Variants in MYLK observed in about 807,000 individuals in gnomAD.
MYLK encodes myosin light chain kinase, also known as myosin light chain kinase, smooth muscle.
In MYLK, 106 loss-of-function variants were observed where a neutral mutation model predicts 203.4. That is an observed-to-expected ratio of 0.52 (90% CI 0.45 to 0.61). The LOEUF is 0.61. Among genes scored for constraint, MYLK ranks in the 20% least tolerant of loss-of-function variants. MYLK has a pLI of 0.00. For synonymous variants in MYLK, 867 were observed against 959.5 expected, an observed-to-expected ratio of 0.90 and a Z score of 1.78; for missense variants, 2,072 against 2,442.3, an observed-to-expected ratio of 0.85 and a Z score of 3.20.
At chr3:123,755,946 A>G (rs2063345795) in intron 4 of MYLK, among the ~76,000 whole-genome samples, 1 of 152,152 alleles carries the variant, frequency 6.6e-6, no homozygotes, top group African/African-American at 2.4e-5. Context: ...GTCCTCACCA[A>G]CACTCACAGC....
chr3:123,847,189 A>C (rs577406576), intron 2 of MYLK, among the ~76,000 whole-genome samples: 3 of 152,294 alleles, frequency 2.0e-5, no homozygotes, highest in East Asian at 3.9e-4. Flanking sequence ...GATGATTTAC[A>C]GTATACAGCA....
chr3:123,631,821 C>T (rs375245255), intron 29 of MYLK, among the ~76,000 whole-genome samples: 34 of 151,810 alleles, frequency 2.2e-4, no homozygotes, highest in African/African-American at 8.0e-4. Flanking sequence ...CCCGAGTCTG[C>T]ACTGTTATCT....
At chr3:123,737,101 C>T (rs113963649) in intron 8 of MYLK, 6,228 of 454,388 alleles carry the variant, frequency 0.014, 288 homozygotes, top group African/African-American at 0.11. Flanking sequence ...TGCCTGTAGT[C>T]CCAGCCACTC....
At chr3:123,869,408 T>G (rs977423652) in intron 2 of MYLK, among the ~76,000 whole-genome samples, 6 of 152,042 alleles carry the variant, frequency 3.9e-5, no homozygotes, top group Non-Finnish European at 8.8e-5. Context: ...CAGCTCCAGG[T>G]TCCTATCCCA....
Position 123,752,333 on chromosome 3 carries a change from T to A in MYLK, c.371A>T (p.Glu124Val). 1 of 1,613,970 alleles carries A rather than the reference T, an allele frequency of 6.2e-7. No individual in the cohort carries two copies. The highest frequency in any genetic ancestry group is 1.1e-5 in the South Asian group (1 of 91,072). ...GACTCGGGCCTCCTGGGACTCACCT[T>A]CTACTGTCAACTCCACTGTCACCTG... Reference protein sequence around the residue: ...ARQVTVELTVEGSFAKQLGQP... With the variant: ...ARQVTVELTVVGSFAKQLGQP... The change falls in exon 5 of 34, where the codon GAA becomes GTA. Residue 124 changes from glutamate to valine, a missense_variant and splice_region_variant. By Grantham distance (121) the Glu-to-Val change is moderately radical. This residue lies in a region of MYLK where 683 missense variants were observed against 643.8 expected (regional missense o/e 1.06). Coordinates refer to ENST00000360304, the MANE Select transcript of MYLK (RefSeq NM_053025.4).
chr3:123,671,750 T>C (rs2059919662), intron 20 of MYLK, among the ~76,000 whole-genome samples: 1 of 151,986 alleles, frequency 6.6e-6, no homozygotes. Flanking sequence ...TGGAAGGCAA[T>C]GGCTAGGGCA....
chr3:123,708,374 T>C (rs1281925938), intron 15 of MYLK, among the ~76,000 whole-genome samples: 1 of 152,242 alleles, frequency 6.6e-6, no homozygotes, highest in Non-Finnish European at 1.5e-5. Context: ...GCAAGGACCC[T>C]GTTAAGCCTA....
intron 4 of MYLK, among the ~76,000 whole-genome samples, chr3:123,786,183 G>T (rs1239429709): frequency 1.3e-5 from 2 of 151,560 alleles, no homozygotes; most frequent in African/African-American, 4.9e-5. Context: ...CGCGCCTGTA[G>T]TCCCAGCTAC....
Position 123,647,931 on chromosome 3 carries a change from C to T in MYLK, c.4416-504G>A, listed in dbSNP as rs114932241. ...TCTCTTCCCCTCCCTGCAGTGGAAC[C>T]CATGAAGATGGGTGGAGACAGCCCT... On this transcript the variant is annotated intron_variant, in intron 26 of 33. Transcript: ENST00000360304. Among the ~76,000 whole-genome samples, 536 of 152,220 alleles carry T rather than the reference C, an allele frequency of 3.5e-3. 3 individuals carry two copies. Among genetic ancestry groups the T allele is most frequent in the African/African-American group, 0.012 (513 of 41,532 alleles).
chr3:123,690,032 G>A (rs893082486), intron 19 of MYLK, among the ~76,000 whole-genome samples: 1 of 152,180 alleles, frequency 6.6e-6, no homozygotes, highest in African/African-American at 2.4e-5. Flanking sequence ...GTATGGTCTC[G>A]ATGGTGTTTG....
intron 4 of MYLK, among the ~76,000 whole-genome samples, chr3:123,777,660 T>C (rs754206420): frequency 4.6e-5 from 7 of 152,202 alleles, no homozygotes; most frequent in African/African-American, 7.2e-5. Flanking sequence ...GCTTGGGAAC[T>C]GGGCTGAGGG....
chr3:123,817,691 T>C (rs2065795046), intron 3 of MYLK, among the ~76,000 whole-genome samples: 4 of 152,202 alleles, frequency 2.6e-5, no homozygotes, highest in Admixed American at 2.6e-4. Flanking sequence ...AGGGTATAGC[T>C]GAGCCATGAG....
intron 11 of MYLK, among the ~76,000 whole-genome samples, chr3:123,731,414 C>CACAG (rs1693142371): frequency 6.6e-6 from 1 of 152,176 alleles, no homozygotes; most frequent in African/African-American, 2.4e-5. Flanking sequence ...CATGTGTGTA[C>CACAG]ACAGATCTTT....
Position 123,626,872 on chromosome 3 carries a change from G to A in MYLK, c.5184C>T (p.Ala1728=), listed in dbSNP as rs753156836. The change falls in exon 31 of 34, where the codon GCC becomes GCT. Residue 1728 remains alanine (A), a synonymous_variant. Coordinates refer to ENST00000360304, the MANE Select transcript of MYLK (RefSeq NM_053025.4). ...WLMKDTKNME[A]KKLSKDRMKK... is the part of the protein sequence containing the mutation. The stretch of plus-strand genomic sequence containing the variant: ...TCATCCGGTCCTTGGAGAGTTTCTT[G>A]GCCTCCATGTTCTTGGTATCTTTCA... 1.2e-6 allele frequency: 2 copies of A among 1,614,132 alleles called. No homozygotes were observed. Among genetic ancestry groups the A allele is most frequent in the Non-Finnish European group, 1.7e-6 (2 of 1,180,018 alleles).
At position 123,647,154 on chromosome 3, in the gene MYLK, G is replaced by T. The variant is rs534736256; in HGVS notation, c.4619+70C>A. 2.5e-5 allele frequency: 36 copies of T among 1,421,770 alleles called. No homozygotes were observed. The African/African-American group carries it at 4.9e-4, about 19-fold the overall frequency. The allele number at this position is 1,421,770 out of a possible 1,614,324, so 88.1% of individuals were successfully genotyped here. A position where few individuals can be genotyped will look rare whatever the true frequency, so the allele number is the denominator to read the frequency against. ...CCATCTTGGGGCAGAGGTGGCTGGG[G>T]TAGGGCAGTAGGGGAGACACGTTTG... On this transcript the variant is annotated intron_variant, in intron 27 of 33. Coordinates refer to ENST00000360304, the MANE Select transcript of MYLK (RefSeq NM_053025.4).
intron 29 of MYLK, among the ~76,000 whole-genome samples, chr3:123,637,114 C>T (rs1291560943): frequency 6.6e-6 from 1 of 152,046 alleles, no homozygotes; most frequent in Non-Finnish European, 1.5e-5. Context: ...TAAATTTTTC[C>T]TTTTGTTCTG....
chr3:123,753,498 T>G (rs1321947972), intron 4 of MYLK, among the ~76,000 whole-genome samples: 8 of 147,016 alleles, frequency 5.4e-5, no homozygotes, highest in African/African-American at 2.0e-4. Context: ...TTTTTTGAGA[T>G]GGAGTCTTGC....
chr3:123,865,918 C>T (rs2032297544), intron 2 of MYLK, among the ~76,000 whole-genome samples: 1 of 152,156 alleles, frequency 6.6e-6, no homozygotes, highest in African/African-American at 2.4e-5. Context: ...ACACTTGCTC[C>T]AGAAACCCAG....
intron 2 of MYLK, among the ~76,000 whole-genome samples, chr3:123,838,904 G>C (rs1278376297): frequency 6.6e-6 from 1 of 152,118 alleles, no homozygotes; most frequent in Non-Finnish European, 1.5e-5. Context: ...AGACCAGCCT[G>C]GCCAACATGG....
Sources: gnomAD v4.1 joint callset for allele counts (sites outside exome capture counted in the v4.1 genomes callset) on GRCh38, gnomAD v4.1.1 for gene constraint, gnomAD v4.1.1 regional missense constraint, MANE v1.5 for transcripts, NCBI Gene and HGNC (gene_info 2026-07-23, HGNC 2026-07-21) for gene names.